NCKAP5: variants seen among roughly 807,000 people sequenced by gnomAD.
NCKAP5 encodes NCK associated protein 5.
Under a neutral mutation model 167.0 loss-of-function variants are expected in NCKAP5, and 92 were observed. That is an observed-to-expected ratio of 0.55 (90% CI 0.47 to 0.66). NCKAP5 has a LOEUF of 0.66. Ranked by LOEUF, NCKAP5 falls within the 30% of genes least tolerant of loss-of-function variation. The pLI, the probability that NCKAP5 is intolerant of heterozygous loss-of-function variation, is 0.00. For synonymous variants in NCKAP5, 891 were observed against 877.4 expected (o/e 1.02, Z -0.27); for missense variants, 2,378 against 2,315.0 (o/e 1.03, Z -0.56).
chr2:132,974,949 C>T (rs756601765), intron 7 of NCKAP5, among the ~76,000 whole-genome samples: 3 of 152,206 alleles, frequency 2.0e-5, no homozygotes, highest in Admixed American at 6.5e-5. Context: ...CTCCAGCGTG[C>T]CCTGGTTGTT....
At chr2:132,847,657 T>A (rs1260733927) in intron 11 of NCKAP5, among the ~76,000 whole-genome samples, 1 of 151,686 alleles carries the variant, frequency 6.6e-6, no homozygotes, top group African/African-American at 2.4e-5. Context: ...TTACTGAACA[T>A]TTTCCGTGAA....
intron 4 of NCKAP5, among the ~76,000 whole-genome samples, chr2:133,219,716 T>C (rs1290406753): frequency 6.6e-6 from 1 of 152,078 alleles, no homozygotes; most frequent in African/African-American, 2.4e-5. Flanking sequence ...TTTTTTTAAG[T>C]AGAATTTGTA....
chr2:132,904,648 C>T (rs962652940), intron 8 of NCKAP5, among the ~76,000 whole-genome samples: 32 of 152,124 alleles, frequency 2.1e-4, no homozygotes, highest in Admixed American at 1.6e-3. Context: ...TGAGAATCAC[C>T]GCCCACTGAT....
chr2:133,449,685 T>C (rs777216940), intron 3 of NCKAP5, among the ~76,000 whole-genome samples: 1 of 152,216 alleles, frequency 6.6e-6, no homozygotes, highest in Non-Finnish European at 1.5e-5. Context: ...AAATGGATTC[T>C]ATGTCAAGGT....
At chr2:133,263,695 T>C (rs1362140430) in intron 4 of NCKAP5, among the ~76,000 whole-genome samples, 1 of 152,136 alleles carries the variant, frequency 6.6e-6, no homozygotes, top group African/African-American at 2.4e-5. Flanking sequence ...AGGCCTTCTG[T>C]ACATCCTCCC....
intron 5 of NCKAP5, among the ~76,000 whole-genome samples, chr2:133,187,401 A>C (rs1426648393): frequency 2.0e-5 from 3 of 152,056 alleles, no homozygotes; most frequent in Non-Finnish European, 4.4e-5. Flanking sequence ...TCACACAAAA[A>C]ATTAAAATCC....
At chr2:132,805,102 A>C (rs1452739503) in intron 11 of NCKAP5, among the ~76,000 whole-genome samples, 1 of 152,036 alleles carries the variant, frequency 6.6e-6, no homozygotes, top group Non-Finnish European at 1.5e-5. Flanking sequence ...TTGGGAAGGA[A>C]ATAATAATAA....
At chr2:133,165,994 G>A (rs942010333) in intron 5 of NCKAP5, among the ~76,000 whole-genome samples, 3 of 152,164 alleles carry the variant, frequency 2.0e-5, no homozygotes, top group African/African-American at 7.2e-5. Context: ...TTTACCAACA[G>A]TGGGGATGAA....
intron 3 of NCKAP5, among the ~76,000 whole-genome samples, chr2:133,482,218 T>C (rs568202910): frequency 6.6e-6 from 1 of 150,880 alleles, no homozygotes; most frequent in African/African-American, 2.5e-5. Context: ...TCCTTTTTTT[T>C]TCTTTTTCTT....
chr2:133,313,634 A>G (rs764072442), intron 3 of NCKAP5, among the ~76,000 whole-genome samples: 2 of 151,380 alleles, frequency 1.3e-5, no homozygotes, highest in Non-Finnish European at 2.9e-5. Context: ...AAATAAGTTC[A>G]CTTATTTTGT....
At chr2:133,183,870 A>G (rs887936002) in intron 5 of NCKAP5, among the ~76,000 whole-genome samples, 1 of 152,218 alleles carries the variant, frequency 6.6e-6, no homozygotes, top group Non-Finnish European at 1.5e-5. Flanking sequence ...ATCTCACAGA[A>G]TCATAGGATA....
chr2:133,455,868 T>G (rs1020367131), intron 3 of NCKAP5, among the ~76,000 whole-genome samples: 3 of 152,162 alleles, frequency 2.0e-5, no homozygotes, highest in Non-Finnish European at 4.4e-5. Flanking sequence ...ATATCAGCCG[T>G]GGTTAGATGT....
At chr2:132,694,185 A>G (rs1489775103) in intron 19 of NCKAP5, among the ~76,000 whole-genome samples, 1 of 151,844 alleles carries the variant, frequency 6.6e-6, no homozygotes, top group Non-Finnish European at 1.5e-5. Flanking sequence ...ATGCTTGAAG[A>G]TAGAAATTTT....
intron 18 of NCKAP5, among the ~76,000 whole-genome samples, chr2:132,727,567 C>T (rs1427760295): frequency 1.3e-5 from 2 of 152,222 alleles, no homozygotes; most frequent in African/African-American, 4.8e-5. Context: ...GGTTCTGATG[C>T]CTGCTCCGGT....
At chr2:133,616,134 T>A in the NCKAP5 span, among the ~76,000 whole-genome samples, 3 of 152,014 alleles carry the variant, frequency 2.0e-5, no homozygotes, top group Admixed American at 2.0e-4. Context: ...CCAGAATCCC[T>A]GGGACGCATT....
At chr2:132,894,787 C>T (rs1693009230) in intron 8 of NCKAP5, among the ~76,000 whole-genome samples, 1 of 152,134 alleles carries the variant, frequency 6.6e-6, no homozygotes, top group African/African-American at 2.4e-5. Context: ...GACAGAGGGC[C>T]GCCCTCCGCC....
At chr2:133,290,518 T>C (rs942885024) in intron 4 of NCKAP5, among the ~76,000 whole-genome samples, 3 of 152,196 alleles carry the variant, frequency 2.0e-5, no homozygotes, top group Non-Finnish European at 4.4e-5. Context: ...CCCTAAAACT[T>C]CTTGCTTTTT....
At chr2:132,823,393 T>C (rs532466316) in intron 11 of NCKAP5, among the ~76,000 whole-genome samples, 11 of 152,274 alleles carry the variant, frequency 7.2e-5, no homozygotes, top group Admixed American at 2.0e-4. Context: ...TGGGGTCCAA[T>C]CTTCAGCCTC....
intron 18 of NCKAP5, among the ~76,000 whole-genome samples, chr2:132,728,219 AC>A (rs1690651605): frequency 6.6e-6 from 1 of 151,926 alleles, no homozygotes; most frequent in Non-Finnish European, 1.5e-5. Flanking sequence ...GTACCACATA[AC>A]CCCCACTAGG....
Sources: allele counts gnomAD v4.1 joint callset (sites outside exome capture counted in the v4.1 genomes callset), GRCh38; gene constraint gnomAD v4.1.1; transcripts MANE v1.5; gene names NCBI Gene and HGNC (gene_info 2026-07-23, HGNC 2026-07-21).